Variants in NEXMIF observed in about 807,000 individuals in gnomAD.
NEXMIF encodes XLMR protein related to neurite extension.
NEXMIF carries 8 observed loss-of-function variants against 62.1 expected under a neutral mutation model. That is an observed-to-expected ratio of 0.13 (90% CI 0.08 to 0.23). NEXMIF has a LOEUF of 0.23. Ranked by LOEUF, NEXMIF falls within the 10% of genes least tolerant of loss-of-function variation. The pLI is 1.00. For synonymous variants in NEXMIF, 404 were observed against 416.6 expected (o/e 0.97, Z 0.37); for missense variants, 976 against 1,113.3 (o/e 0.88, Z 1.75).
chrX:74,820,330 T>TATAATAATAATAATAATA (rs759039271), intron 1 of NEXMIF, among the ~76,000 whole-genome samples: 72 of 108,303 alleles, frequency 6.6e-4, no homozygotes, highest in African/African-American at 2.3e-3. Flanking sequence ...GAACTTAAAG[T>TATAATAATAATAATAATA]ATAATAATAA....
chrX:74,762,766 G>T (rs1484657660), intron 1 of NEXMIF, among the ~76,000 whole-genome samples: 14 of 111,530 alleles, frequency 1.3e-4, no homozygotes, highest in Non-Finnish European at 9.4e-5. Context: ...TGTCTTCTTT[G>T]GAGAAGTGTC....
At chrX:74,803,677 G>A (rs769673452) in intron 1 of NEXMIF, among the ~76,000 whole-genome samples, 80 of 111,395 alleles carry the variant, frequency 7.2e-4, no homozygotes, top group Middle Eastern at 4.6e-3. Flanking sequence ...AATATACAAT[G>A]CAGCTCAAAT....
chrX:74,774,539 T>A (rs142751599), intron 1 of NEXMIF, among the ~76,000 whole-genome samples: 346 of 112,316 alleles, frequency 3.1e-3, no homozygotes, highest in African/African-American at 0.011. Flanking sequence ...CTGTTGTCAC[T>A]TATGATACAT....
chrX:74,796,238 A>ATATACACATATATATTATATATAT (rs1556024088), intron 1 of NEXMIF, among the ~76,000 whole-genome samples: 9 of 60,656 alleles, frequency 1.5e-4, no homozygotes, highest in African/African-American at 5.4e-4. Flanking sequence ...TAATATATAT[A>ATATACACATATATATTATATATAT]TATATACACA....
intron 1 of NEXMIF, among the ~76,000 whole-genome samples, chrX:74,919,880 G>GT (rs913797024): frequency 3.6e-5 from 4 of 110,225 alleles, no homozygotes; most frequent in Admixed American, 9.8e-5. Flanking sequence ...GCGGTGTTTG[G>GT]TTTTTTGTCC....
intron 1 of NEXMIF, among the ~76,000 whole-genome samples, chrX:74,887,170 C>A (rs1361059603): frequency 1.3e-3 from 146 of 111,844 alleles, no homozygotes; most frequent in Non-Finnish European, 2.2e-3. Context: ...TAAAGACTTA[C>A]AGGTTAGACC....
At chrX:74,791,159 C>T (rs1310523595) in intron 1 of NEXMIF, among the ~76,000 whole-genome samples, 1 of 111,188 alleles carries the variant, frequency 9.0e-6, no homozygotes, top group Non-Finnish European at 1.9e-5. Flanking sequence ...CCATCAATAC[C>T]TAATTTATTG....
At chrX:74,870,501 C>G (rs2080596603) in intron 1 of NEXMIF, among the ~76,000 whole-genome samples, 1 of 111,233 alleles carries the variant, frequency 9.0e-6, no homozygotes, top group Non-Finnish European at 1.9e-5. Context: ...TTCTGCACAG[C>G]AAAGGAAACA....
chrX:74,828,298 TTA>T (rs1465733167), intron 1 of NEXMIF, among the ~76,000 whole-genome samples: 1 of 111,914 alleles, frequency 8.9e-6, no homozygotes, highest in Non-Finnish European at 1.9e-5. Flanking sequence ...ATTTGGAGTA[TTA>T]TGTTTGAATA....
At chrX:74,830,676 A>T (rs2080433197) in intron 1 of NEXMIF, among the ~76,000 whole-genome samples, 1 of 112,015 alleles carries the variant, frequency 8.9e-6, no homozygotes, top group African/African-American at 3.2e-5. Flanking sequence ...GATTCTTCCA[A>T]TCCATGAACA....
At chrX:74,783,894 T>C (rs2080253449) in intron 1 of NEXMIF, among the ~76,000 whole-genome samples, 2 of 111,433 alleles carry the variant, frequency 1.8e-5, no homozygotes, top group African/African-American at 3.3e-5. Context: ...CAGGCTACCC[T>C]TGGCAAATGC....
At chrX:74,833,903 T>G (rs966228951) in intron 1 of NEXMIF, among the ~76,000 whole-genome samples, 7 of 110,550 alleles carry the variant, frequency 6.3e-5, no homozygotes, top group African/African-American at 1.6e-4. Flanking sequence ...TCCAGCACTT[T>G]GGGAGGCCGA....
chrX:74,891,439 T>G (rs1417194540), intron 1 of NEXMIF, among the ~76,000 whole-genome samples: 1 of 110,807 alleles, frequency 9.0e-6, no homozygotes, highest in African/African-American at 3.3e-5. Flanking sequence ...TCTGCTACAA[T>G]CAATAAATAA....
At chrX:74,886,164 T>C (rs1188484035) in intron 1 of NEXMIF, among the ~76,000 whole-genome samples, 1 of 111,651 alleles carries the variant, frequency 9.0e-6, no homozygotes, top group African/African-American at 3.3e-5. Flanking sequence ...TAATAAGAGC[T>C]ATCTATGACA....
rs773924535 is a variant in NEXMIF at position 74,761,157 on chromosome X, C to A, written c.-47-15460G>T. On this transcript the variant is annotated intron_variant, in intron 1 of 3. Coordinates refer to ENST00000055682, the MANE Select transcript of NEXMIF (RefSeq NM_001008537.3). ...AGTGCTGGGATTACAGGCATGACCC[C>A]CAATGCCTGGCCCAAAGTTTTATTT... 3.3e-3 allele frequency among the ~76,000 whole-genome samples: 361 copies of A among 110,863 alleles called. 2 individuals carry two copies. The highest frequency in any genetic ancestry group is 0.011 in the African/African-American group (344 of 30,491).
intron 1 of NEXMIF, among the ~76,000 whole-genome samples, chrX:74,896,676 G>A (rs984052712): frequency 8.1e-5 from 9 of 111,780 alleles, no homozygotes; most frequent in African/African-American, 2.9e-4. Flanking sequence ...ATAAAAACTG[G>A]TGCCATCTGC....
At chrX:74,841,218 G>T (rs930245564) in intron 1 of NEXMIF, among the ~76,000 whole-genome samples, 5 of 110,361 alleles carry the variant, frequency 4.5e-5, no homozygotes, top group African/African-American at 1.6e-4. Context: ...GTATTCCTAG[G>T]TATTTTATTC....
Position 74,823,563 on chromosome X carries a change from C to T in NEXMIF, c.-47-77866G>A, listed in dbSNP as rs181300327. Among the ~76,000 whole-genome samples the T allele has an allele frequency of 3.9e-3, 428 of 110,561 alleles. 3 individuals are homozygous for T. Among genetic ancestry groups the T allele is most frequent in the African/African-American group, 0.013 (404 of 30,445 alleles). ...AAATTCCAAATTTTGATTGTAGTAC[C>T]GTTGTTATGAAAGAGAATTATCTTG... On this transcript the variant is annotated intron_variant, in intron 1 of 3. Coordinates refer to ENST00000055682, the MANE Select transcript of NEXMIF (RefSeq NM_001008537.3).
chrX:74,885,691 G>A (rs1013146962), intron 1 of NEXMIF, among the ~76,000 whole-genome samples: 6 of 111,616 alleles, frequency 5.4e-5, no homozygotes, highest in Non-Finnish European at 7.5e-5. Flanking sequence ...GGGACCAGAC[G>A]GATTCACAGC....
Sources: allele counts gnomAD v4.1 joint callset (sites outside exome capture counted in the v4.1 genomes callset), GRCh38; gene constraint gnomAD v4.1.1; transcripts MANE v1.5; gene names NCBI Gene and HGNC (gene_info 2026-07-23, HGNC 2026-07-21).